The following ACAP2 variants were observed in gnomAD, a reference collection of about 807,000 sequenced individuals.
ACAP2 encodes the protein arf-GAP with coiled-coil, ANK repeat and PH domain-containing protein 2.
A neutral mutation model predicts 115.8 loss-of-function variants in ACAP2; 39 were observed. The ratio of observed to expected loss-of-function variants is 0.34; its 90% CI spans 0.26 to 0.44. The LOEUF (loss-of-function observed/expected upper bound fraction) is 0.44. ACAP2 is among the 20% of genes least tolerant of loss of function. ACAP2 has a pLI of 1.00. For missense variants in ACAP2, 662 were observed against 927.6 expected (o/e 0.71, Z 3.72); for synonymous variants, 289 against 315.8 (o/e 0.92, Z 0.90).
chr3:195,301,274 G>A (rs1728035920), intron 15 of ACAP2, among the ~76,000 whole-genome samples: 1 of 152,006 alleles, frequency 6.6e-6, no homozygotes, highest in African/African-American at 2.4e-5. Flanking sequence ...TTTTAGTAGA[G>A]ACGGGGTTTC....
At chr3:195,375,147 G>T (rs143468084) in intron 4 of ACAP2, among the ~76,000 whole-genome samples, 1 of 151,438 alleles carries the variant, frequency 6.6e-6, no homozygotes, top group Non-Finnish European at 1.5e-5. Flanking sequence ...AGCTAAGATC[G>T]CACCACTGCA....
At chr3:195,284,475 G>A (rs958591386) in intron 22 of ACAP2, among the ~76,000 whole-genome samples, 2 of 152,110 alleles carry the variant, frequency 1.3e-5, no homozygotes, top group African/African-American at 4.8e-5. Flanking sequence ...GCCTACTATT[G>A]TATGATCCAT....
chr3:195,407,253 T>G (rs1577430060), intron 1 of ACAP2, among the ~76,000 whole-genome samples: 1 of 150,782 alleles, frequency 6.6e-6, no homozygotes, highest in Non-Finnish European at 1.5e-5. Context: ...ATCCCAGCAC[T>G]TTGGGAAACT....
In ACAP2 at chr3:195,308,845, AAC is replaced by A; in HGVS notation, c.858-10_858-9del. The A allele has an allele frequency of 6.2e-7, 1 of 1,600,336 alleles. No individual in the cohort carries two copies. The highest frequency in any genetic ancestry group is 1.3e-5 in the African/African-American group (1 of 74,216). On this transcript the variant is annotated splice_polypyrimidine_tract_variant and intron_variant, in intron 10 of 22. Coordinates refer to ENST00000326793, the MANE Select transcript of ACAP2 (RefSeq NM_012287.6). ...TGTATTGAAAACCAGCGCCTACAGA[AAC>A]ACAAAATAGATTAAGTTTTCATAAA...
chr3:195,302,218 T>C, intron 13 of ACAP2, 44 bp from the exon 14 acceptor site: 2 of 1,490,598 alleles, frequency 1.3e-6, no homozygotes, highest in Non-Finnish European at 1.8e-6. Context: ...AAAAAAAGAT[T>C]GAAATACTTT....
At chr3:195,319,762 T>C (rs1420426793) in intron 10 of ACAP2, among the ~76,000 whole-genome samples, 1 of 152,206 alleles carries the variant, frequency 6.6e-6, no homozygotes, top group Non-Finnish European at 1.5e-5. Context: ...TTGTCTCAGA[T>C]GAGACTGTGG....
chr3:195,399,378 C>G (rs1208428097), intron 1 of ACAP2, among the ~76,000 whole-genome samples: 2 of 152,096 alleles, frequency 1.3e-5, no homozygotes, highest in Non-Finnish European at 2.9e-5. Context: ...ATTATGCTGA[C>G]CAGTCTTGTT....
chr3:195,293,242 C>G (rs1357189152), intron 18 of ACAP2, among the ~76,000 whole-genome samples: 1 of 152,182 alleles, frequency 6.6e-6, no homozygotes, highest in African/African-American at 2.4e-5. Context: ...GACCAAACCT[C>G]ACTTCATTCC....
chr3:195,424,294 T>A (rs1281019019), intron 1 of ACAP2, among the ~76,000 whole-genome samples: 8,034 of 71,040 alleles, frequency 0.11, 410 homozygotes, highest in East Asian at 0.44. Context: ...TTTTTTTTTT[T>A]TTTTTTTTTT....
At chr3:195,438,141 T>C (rs1315970664) in intron 1 of ACAP2, among the ~76,000 whole-genome samples, 1 of 151,098 alleles carries the variant, frequency 6.6e-6, no homozygotes, top group Non-Finnish European at 1.5e-5. Context: ...TTCTCCTGCC[T>C]CAGCCTCCCG....
At chr3:195,309,329 G>A (rs897975075) in intron 10 of ACAP2, among the ~76,000 whole-genome samples, 9 of 152,030 alleles carry the variant, frequency 5.9e-5, no homozygotes, top group Non-Finnish European at 1.3e-4. Flanking sequence ...ATCACCTGAG[G>A]TCGTCAGGAG....
At chr3:195,372,468 A>G (rs1339875391) in intron 4 of ACAP2, among the ~76,000 whole-genome samples, 1 of 152,178 alleles carries the variant, frequency 6.6e-6, no homozygotes, top group Non-Finnish European at 1.5e-5. Context: ...CCCGGAGACG[A>G]TCACTTTAGC....
intron 10 of ACAP2, among the ~76,000 whole-genome samples, chr3:195,315,917 T>C (rs1729059393): frequency 6.6e-6 from 1 of 152,198 alleles, no homozygotes. Flanking sequence ...AAAATCGACT[T>C]CCTTCTATTG....
At chr3:195,348,292 TA>T (rs1472302849) in intron 4 of ACAP2, among the ~76,000 whole-genome samples, 1 of 150,848 alleles carries the variant, frequency 6.6e-6, no homozygotes, top group Admixed American at 6.6e-5. Context: ...ACACATACCT[TA>T]AAAAATAAAA....
At chr3:195,412,983 C>A in intron 1 of ACAP2, 2 of 426,196 alleles carry the variant, frequency 4.7e-6, no homozygotes, top group Non-Finnish European at 9.4e-6. Context: ...ATTACAAGTG[C>A]TTTTAAGAAA....
intron 4 of ACAP2, among the ~76,000 whole-genome samples, chr3:195,375,317 T>C (rs1192015544): frequency 2.0e-5 from 3 of 152,132 alleles, no homozygotes; most frequent in Non-Finnish European, 4.4e-5. Flanking sequence ...TTAAAATTTT[T>C]TCACCCAGAT....
chr3:195,341,321 G>GTTTTTTT (rs377628235), intron 6 of ACAP2, among the ~76,000 whole-genome samples: 12 of 107,068 alleles, frequency 1.1e-4, no homozygotes, highest in Admixed American at 1.1e-4. Flanking sequence ...TATTGTGTGG[G>GTTTTTTT]TTTTTTTTTT....
chr3:195,307,135 C>A, intron 12 of ACAP2, 88 bp downstream of exon 12: 1 of 1,038,326 alleles, frequency 9.6e-7, no homozygotes, highest in Admixed American at 2.2e-5. Flanking sequence ...CAGATACAGA[C>A]AAATGCAAAT....
intron 4 of ACAP2, among the ~76,000 whole-genome samples, chr3:195,374,583 C>A (rs1733386432): frequency 6.6e-6 from 1 of 152,240 alleles, no homozygotes; most frequent in South Asian, 2.1e-4. Flanking sequence ...AAATATTCCT[C>A]TGCCTTTTGC....
Sources: allele counts gnomAD v4.1 joint callset (sites outside exome capture counted in the v4.1 genomes callset), GRCh38; gene constraint gnomAD v4.1.1; transcripts MANE v1.5; gene names NCBI Gene and HGNC (gene_info 2026-07-23, HGNC 2026-07-21).